MYL3: variants seen among roughly 807,000 people sequenced by gnomAD.
MYL3 encodes myosin light chain 3, also known as CMLC1.
MYL3 carries 11 observed loss-of-function variants against 21.3 expected under a neutral mutation model. The observed-to-expected ratio is 0.52, with a 90% CI of 0.32 to 0.85. The LOEUF is 0.85. Among genes scored for constraint, MYL3 ranks in the 40% least tolerant of loss-of-function variants. The pLI is 0.03. For synonymous variants in MYL3, 88 were observed against 91.6 expected, an observed-to-expected ratio of 0.96 and a Z score of 0.22; for missense variants, 206 against 253.3, an observed-to-expected ratio of 0.81 and a Z score of 1.27.
intron 1 of MYL3, among the ~76,000 whole-genome samples, chr3:46,878,138 C>T (rs1240942215): frequency 6.6e-6 from 1 of 152,204 alleles, no homozygotes; most frequent in African/African-American, 2.4e-5. Flanking sequence ...CTTCACCTTC[C>T]TGAGAGGCAA....
At position 46,861,209 on chromosome 3, in the gene MYL3, C is replaced by T. The variant is rs905088251; in HGVS notation, c.130-222G>A. ...CAGAAGGCCTTGAGGCTGTGTGCAC[C>T]GAGGCCCTGATGCTCGGTGGACCCT... On this transcript the variant is annotated intron_variant, in intron 1 of 6. Transcript: ENST00000292327. The surrounding 1 kb of genome is among the most constrained non-coding windows in gnomAD (Gnocchi z 4.2). 7.9e-5 allele frequency among the ~76,000 whole-genome samples: 12 copies of T among 152,148 alleles called. No homozygotes were observed. The highest frequency in any genetic ancestry group is 1.2e-4 in the African/African-American group (5 of 41,430).
chr3:46,881,511 T>C (rs2030563336), intron 1 of MYL3, among the ~76,000 whole-genome samples: 1 of 152,066 alleles, frequency 6.6e-6, no homozygotes, highest in Non-Finnish European at 1.5e-5. Flanking sequence ...TCTGGCAGCC[T>C]CGAGCCTCCG....
In MYL3 at chr3:46,860,822, A is replaced by G; in HGVS notation, c.161T>C (p.Phe54Ser). ...GTCGAACAGCATGAAGGCTTCCTTG[A>G]ACTCTGCCAGGAGAGGGCAGTGAGC... ...IEFTPEQIEE[F>S]KEAFMLFDRT... Residue 54 changes from phenylalanine to serine, a missense_variant, in exon 3 of 7, where the codon TTC becomes TCC. Phe to Ser is a radical substitution (Grantham distance 155). Transcript: ENST00000292327. The surrounding 1 kb of genome is among the most constrained non-coding windows in gnomAD (Gnocchi z 4.6). 1 of 1,613,936 alleles carries G rather than the reference A, an allele frequency of 6.2e-7. No individual in the cohort carries two copies. Among genetic ancestry groups the G allele is most frequent in the Non-Finnish European group, 8.5e-7 (1 of 1,179,954 alleles).
At chr3:46,881,436 G>A (rs898677789) in intron 1 of MYL3, among the ~76,000 whole-genome samples, 16 of 152,186 alleles carry the variant, frequency 1.1e-4, no homozygotes, top group Non-Finnish European at 2.1e-4. Flanking sequence ...TAGCTTTTGG[G>A]AGTGGGGGTG....
intron 1 of MYL3, among the ~76,000 whole-genome samples, chr3:46,862,221 G>A (rs577772720): frequency 1.4e-4 from 21 of 152,338 alleles, no homozygotes; most frequent in African/African-American, 4.3e-4. Flanking sequence ...GAGGCCTGCA[G>A]AATGCAAGCC....
intron 4 of MYL3, among the ~76,000 whole-genome samples, chr3:46,858,809 G>A (rs1180208286): frequency 6.6e-6 from 1 of 152,132 alleles, no homozygotes; most frequent in African/African-American, 2.4e-5. Flanking sequence ...AGAGGGTGGT[G>A]GAGGGAGCCA....
chr3:46,871,120 C>G (rs762027689), intron 1 of MYL3, among the ~76,000 whole-genome samples: 1 of 152,212 alleles, frequency 6.6e-6, no homozygotes, highest in African/African-American at 2.4e-5. Context: ...TGCACCACAT[C>G]TTTTAGCTCA....
At chr3:46,873,416 C>T (rs761865235) in intron 1 of MYL3, among the ~76,000 whole-genome samples, 1 of 152,204 alleles carries the variant, frequency 6.6e-6, no homozygotes, top group African/African-American at 2.4e-5. Flanking sequence ...GAAGGCAGGG[C>T]TGAGCTTGCA....
In MYL3 at chr3:46,858,009, G is replaced by A; in HGVS notation, c.*106C>T. 1 of 610,196 alleles carries A rather than the reference G, an allele frequency of 1.6e-6. No individual in the cohort carries two copies. Among genetic ancestry groups the A allele is most frequent in the Non-Finnish European group, 2.9e-6 (1 of 342,488 alleles). The allele number at this position is 610,196 out of a possible 1,614,324, so 37.8% of individuals were successfully genotyped here. On this transcript the variant is annotated 3_prime_UTR_variant, in exon 7 of 7. Coordinates refer to ENST00000292327, the MANE Select transcript of MYL3 (RefSeq NM_000258.3). ...TCCAAGGGTTTTTGCAGGAGTCTTG[G>A]TAAGGCTCCCCTCCTTCCCACGACT...
At chr3:46,872,556 C>G (rs988612061) in intron 1 of MYL3, among the ~76,000 whole-genome samples, 4 of 151,538 alleles carry the variant, frequency 2.6e-5, no homozygotes, top group Non-Finnish European at 5.9e-5. Context: ...TCATTGATTG[C>G]GGCTGCCAGA....
intron 1 of MYL3, among the ~76,000 whole-genome samples, chr3:46,876,111 C>T (rs2030197146): frequency 6.6e-6 from 1 of 152,232 alleles, no homozygotes; most frequent in Non-Finnish European, 1.5e-5. Flanking sequence ...TGCCTGGGCA[C>T]TTTACAGATC....
In MYL3 at chr3:46,859,463, G is replaced by T; in HGVS notation, c.481+12C>A. 6.2e-7 allele frequency: 1 copy of T among 1,613,982 alleles called. No homozygotes were observed. The highest frequency in any genetic ancestry group is 8.5e-7 in the Non-Finnish European group (1 of 1,179,972). ...TGGAAGGAGTTGGGGTAGGGGAGGA[G>T]GCTGCCCTCACCCAGCGTGGCCAGC... On this transcript the variant is annotated intron_variant, in intron 4 of 6. Coordinates refer to ENST00000292327, the MANE Select transcript of MYL3 (RefSeq NM_000258.3). This position sits in a 1 kb window ranked among gnomAD's most constrained non-coding sequence, Gnocchi z 4.1.
chr3:46,874,382 G>C lies in MYL3; in HGVS notation c.-218+7692C>G, dbSNP rs1318951609. On this transcript the variant is annotated intron_variant, in intron 1 of 3. Coordinates refer to the MYL3 transcript ENST00000431168. The surrounding 1 kb of genome is among the most constrained non-coding windows in gnomAD (Gnocchi z 4.1). ...AGAGATTTGGCAAGGCACGACAAAG[G>C]ACCACCCACATAGAGGGTTCCTCCA... Among the ~76,000 whole-genome samples the C allele has an allele frequency of 2.0e-5, 3 of 152,120 alleles. No individual in the cohort carries two copies. Among genetic ancestry groups the C allele is most frequent in the African/African-American group, 7.2e-5 (3 of 41,430 alleles).
intron 1 of MYL3, among the ~76,000 whole-genome samples, chr3:46,881,797 C>G (rs1026816982): frequency 1.3e-5 from 2 of 152,056 alleles, no homozygotes; most frequent in Non-Finnish European, 2.9e-5. Flanking sequence ...CCCAGGGACC[C>G]CGACCCGGCC....
chr3:46,863,406 C>G lies in MYL3; in HGVS notation c.-16G>C. On this transcript the variant is annotated 5_prime_UTR_variant, in exon 1 of 7. Coordinates refer to ENST00000292327, the MANE Select transcript of MYL3 (RefSeq NM_000258.3). ...TGGGGGCCATTGGGGGCTGTAAGTA[C>G]AGAGAGGGATGTGGAGAGAAGAATG... The G allele has an allele frequency of 6.2e-7, 1 of 1,612,670 alleles. No individual in the cohort carries two copies. Among genetic ancestry groups the G allele is most frequent in the Non-Finnish European group, 8.5e-7 (1 of 1,179,866 alleles).
At chr3:46,875,572 C>T (rs1559523409) in intron 1 of MYL3, among the ~76,000 whole-genome samples, 2 of 152,232 alleles carry the variant, frequency 1.3e-5, no homozygotes, top group Non-Finnish European at 2.9e-5. Context: ...TTGATGGCCT[C>T]GTGGCCATGG....
intron 1 of MYL3, among the ~76,000 whole-genome samples, chr3:46,873,997 C>A (rs1033553923): frequency 6.6e-6 from 1 of 152,214 alleles, no homozygotes; most frequent in Non-Finnish European, 1.5e-5. Context: ...TGGCGACCCA[C>A]CTGTGCCCAG....
rs1701997643 is a variant in MYL3 at position 46,861,950 on chromosome 3, G to A, written c.130-963C>T. On this transcript the variant is annotated intron_variant, in intron 1 of 6. Coordinates refer to ENST00000292327, the MANE Select transcript of MYL3 (RefSeq NM_000258.3). This position sits in a 1 kb window ranked among gnomAD's most constrained non-coding sequence, Gnocchi z 4.2. ...CCATGACTGTCCCTCCTGGCTTCTGGCTTGACCCAGTGTTGGGAAGAACAG... is the reference window on the plus strand; with the variant it reads ...CCATGACTGTCCCTCCTGGCTTCTGACTTGACCCAGTGTTGGGAAGAACAG... Among the ~76,000 whole-genome samples the A allele has an allele frequency of 6.6e-6, 1 of 152,190 alleles. No homozygotes were observed. Among genetic ancestry groups the A allele is most frequent in the African/African-American group, 2.4e-5 (1 of 41,436 alleles).
chr3:46,874,753 C>T lies in MYL3; in HGVS notation c.-218+7321G>A, dbSNP rs2030090898. 6.6e-6 allele frequency among the ~76,000 whole-genome samples: 1 copy of T among 152,152 alleles called. No homozygotes were observed. Among genetic ancestry groups the T allele is most frequent in the Admixed American group, 6.5e-5 (1 of 15,284 alleles). Reference sequence around the variant, plus strand: ...CCCCCCCCCACACACACAATAGGGACGCACTAGGCTTCTGGGGATTTTACA... The same window carrying T: ...CCCCCCCCCACACACACAATAGGGATGCACTAGGCTTCTGGGGATTTTACA... On this transcript the variant is annotated intron_variant, in intron 1 of 3. Transcript: ENST00000431168. This position sits in a 1 kb window ranked among gnomAD's most constrained non-coding sequence, Gnocchi z 4.1.
Sources: allele counts gnomAD v4.1 joint callset (sites outside exome capture counted in the v4.1 genomes callset), GRCh38; gene constraint gnomAD v4.1.1; non-coding constraint Gnocchi (gnomAD v3.1); transcripts MANE v1.5; gene names NCBI Gene and HGNC (gene_info 2026-07-23, HGNC 2026-07-21).